The following MOCOS variants were observed in gnomAD, a reference collection of about 807,000 sequenced individuals.
MOCOS encodes the protein human molybdenum cofactor sulfurase.
Under a neutral mutation model 83.6 loss-of-function variants are expected in MOCOS, and 86 were observed. That is an observed-to-expected ratio of 1.03 (90% CI 0.86 to 1.23). MOCOS has a LOEUF of 1.23. Ranked by LOEUF, MOCOS falls within the 50% of genes most tolerant of loss-of-function variation. MOCOS has a pLI of 0.00. For synonymous variants in MOCOS, 445 were observed against 434.7 expected (o/e 1.02, Z -0.29); for missense variants, 1,120 against 1,126.9 (o/e 0.99, Z 0.09).
intron 12 of MOCOS, among the ~76,000 whole-genome samples, chr18:36,259,349 G>A (rs1307766603): frequency 6.6e-6 from 1 of 150,920 alleles, no homozygotes; most frequent in African/African-American, 2.4e-5. Context: ...GGAGGCTGAG[G>A]CAGGAGAATT....
chr18:36,256,183 C>T (rs781563345), intron 11 of MOCOS, among the ~76,000 whole-genome samples: 15 of 152,174 alleles, frequency 9.9e-5, no homozygotes, highest in East Asian at 5.9e-4. Flanking sequence ...TGAGCCACCG[C>T]GCCTAGCCCT....
At chr18:36,196,758 C>G (rs943253617) in intron 2 of MOCOS, among the ~76,000 whole-genome samples, 13 of 151,646 alleles carry the variant, frequency 8.6e-5, no homozygotes, top group African/African-American at 2.9e-4. Flanking sequence ...AATGATGCAG[C>G]GCTAAAGCCA....
intron 1 of MOCOS, among the ~76,000 whole-genome samples, chr18:36,193,567 T>A (rs1028222005): frequency 3.3e-5 from 5 of 152,108 alleles, no homozygotes; most frequent in African/African-American, 9.7e-5. Context: ...CCCTACCTCA[T>A]TCTGCATTCA....
At chr18:36,263,000 T>G (rs2091669332) in intron 13 of MOCOS, among the ~76,000 whole-genome samples, 1 of 152,134 alleles carries the variant, frequency 6.6e-6, no homozygotes, top group South Asian at 2.1e-4. Context: ...TCTCAGCTAC[T>G]CAGGAGGCTG....
At chr18:36,257,410 C>T (rs1355482189) in intron 12 of MOCOS, among the ~76,000 whole-genome samples, 8 of 152,130 alleles carry the variant, frequency 5.3e-5, no homozygotes, top group Non-Finnish European at 1.0e-4. Context: ...ATTGCCCACC[C>T]TCCCACTATC....
chr18:36,265,286 G>A (rs2091678066), intron 13 of MOCOS, among the ~76,000 whole-genome samples: 1 of 152,198 alleles, frequency 6.6e-6, no homozygotes, highest in Non-Finnish European at 1.5e-5. Flanking sequence ...AATTTCTTGT[G>A]GGATTATTTT....
chr18:36,225,042 A>G (rs1021885173), intron 9 of MOCOS, among the ~76,000 whole-genome samples: 2 of 152,136 alleles, frequency 1.3e-5, no homozygotes, highest in Admixed American at 1.3e-4. Context: ...GTTTGTTGGC[A>G]TATAGTTGTT....
intron 7 of MOCOS, 63 bp downstream of exon 7, chr18:36,213,545 C>T (rs2091463420): frequency 1.5e-6 from 2 of 1,358,734 alleles, no homozygotes; most frequent in Admixed American, 3.4e-5. Context: ...CTGTTGCTGC[C>T]TGTGTGTCTG....
At chr18:36,194,528 A>G (rs557889434) in intron 1 of MOCOS, among the ~76,000 whole-genome samples, 1 of 152,344 alleles carries the variant, frequency 6.6e-6, no homozygotes, top group East Asian at 1.9e-4. Flanking sequence ...GTCATTCCAC[A>G]AAAGTGTGGG....
intron 6 of MOCOS, among the ~76,000 whole-genome samples, chr18:36,212,390 G>A (rs1347266990): frequency 3.2e-5 from 3 of 92,318 alleles, no homozygotes; most frequent in East Asian, 6.2e-4. Context: ...GGAGCTGGAC[G>A]GGGGTCGGGG....
At chr18:36,232,665 T>TAGGG (rs1489702339) in intron 9 of MOCOS, among the ~76,000 whole-genome samples, 1 of 152,118 alleles carries the variant, frequency 6.6e-6, no homozygotes, top group African/African-American at 2.4e-5. Context: ...CGTCCCTGCT[T>TAGGG]TTGGTAACTA....
intron 6 of MOCOS, among the ~76,000 whole-genome samples, chr18:36,208,615 A>G (rs1290063324): frequency 1.3e-5 from 2 of 152,222 alleles, no homozygotes; most frequent in Non-Finnish European, 1.5e-5. Context: ...GTGTATAAAA[A>G]TGCTACTGAT....
At chr18:36,233,512 C>T (rs1039615221) in intron 9 of MOCOS, among the ~76,000 whole-genome samples, 5 of 152,134 alleles carry the variant, frequency 3.3e-5, no homozygotes, top group Non-Finnish European at 7.4e-5. Context: ...GCACAAGTGT[C>T]TTTTTTATAT....
Position 36,197,927 on chromosome 18 carries a change from G to A in MOCOS, c.233-763G>A, listed in dbSNP as rs1598870573. Among the ~76,000 whole-genome samples the A allele has an allele frequency of 3.3e-5, 5 of 152,250 alleles. No homozygotes were observed. The South Asian group carries it at 1.0e-3, about 32-fold the overall frequency. On this transcript the variant is annotated intron_variant, in intron 2 of 14. Coordinates refer to ENST00000261326, the MANE Select transcript of MOCOS (RefSeq NM_017947.4). ...ATCCTTGTTGCTGACCTTACCCCCAGGCAATTGCTAATCTACTACTTTCTG... is the reference window on the plus strand; with the variant it reads ...ATCCTTGTTGCTGACCTTACCCCCAAGCAATTGCTAATCTACTACTTTCTG...
At chr18:36,211,780 C>T (rs1008903227) in intron 6 of MOCOS, among the ~76,000 whole-genome samples, 2 of 151,522 alleles carry the variant, frequency 1.3e-5, no homozygotes, top group Non-Finnish European at 2.9e-5. Flanking sequence ...CTTTGACACT[C>T]CTCCATGGAG....
Position 36,268,940 on chromosome 18 carries a change from T to C in MOCOS, c.*255T>C, listed in dbSNP as rs73949405. On this transcript the variant is annotated 3_prime_UTR_variant, in exon 15 of 15. Transcript: ENST00000261326. ...CATCCAGTGAGGCTCCTGTAGGTAT[T>C]TGAAGTATAATCACTTGTAATCAGA... The C allele has an allele frequency of 2.9e-3, 1,502 of 518,996 alleles. 11 individuals carry two copies. The highest frequency in any genetic ancestry group is 9.9e-3 in the African/African-American group (521 of 52,502). 32.1% of individuals were successfully genotyped at this position (518,996 alleles called of 1,614,324 possible). A position where few individuals can be genotyped will look rare whatever the true frequency, so the allele number is the denominator to read the frequency against.
chr18:36,262,042 C>G (rs1168696784), intron 13 of MOCOS, among the ~76,000 whole-genome samples: 1 of 152,182 alleles, frequency 6.6e-6, no homozygotes, highest in African/African-American at 2.4e-5. Flanking sequence ...CTTTAAGGAA[C>G]CTTTCTGAGA....
intron 8 of MOCOS, among the ~76,000 whole-genome samples, chr18:36,217,808 A>C (rs2091480808): frequency 6.6e-6 from 1 of 152,184 alleles, no homozygotes; most frequent in Non-Finnish European, 1.5e-5. Context: ...AACTTACAGA[A>C]TGTAACCCAC....
chr18:36,256,865 T>G (rs2091643445), intron 11 of MOCOS, 103 bp from the exon 12 acceptor site: 1 of 1,033,268 alleles, frequency 9.7e-7, no homozygotes, highest in African/African-American at 1.6e-5. Context: ...TTTTCCCTTG[T>G]AGAAATAGTC....
Sources: gnomAD v4.1 joint callset for allele counts (sites outside exome capture counted in the v4.1 genomes callset) on GRCh38, gnomAD v4.1.1 for gene constraint, MANE v1.5 for transcripts, NCBI Gene and HGNC (gene_info 2026-07-23, HGNC 2026-07-21) for gene names.